The following CDH9 variants were observed in gnomAD, a reference collection of about 807,000 sequenced individuals.
CDH9 encodes the protein cadherin 9, also known as cadherin-9.
A neutral mutation model predicts 70.9 loss-of-function variants in CDH9; 28 were observed. That is an observed-to-expected ratio of 0.40 (90% CI 0.29 to 0.54). CDH9 has a LOEUF of 0.54. Ranked by LOEUF, CDH9 falls within the 20% of genes least tolerant of loss-of-function variation. The pLI, the probability that CDH9 is intolerant of heterozygous loss-of-function variation, is 0.59. For missense variants in CDH9, 874 were observed against 984.4 expected (o/e 0.89, Z 1.50); for synonymous variants, 409 against 343.1 (o/e 1.19, Z -2.12).
intron 1 of CDH9, among the ~76,000 whole-genome samples, chr5:26,993,010 C>T (rs935940059): frequency 2.0e-5 from 3 of 150,492 alleles, no homozygotes; most frequent in African/African-American, 7.3e-5. Flanking sequence ...GCAGGCGAAT[C>T]ACTTGAACCC....
intron 7 of CDH9, among the ~76,000 whole-genome samples, chr5:26,894,483 C>A (rs1740712963): frequency 6.6e-6 from 1 of 152,048 alleles, no homozygotes; most frequent in Admixed American, 6.6e-5. Context: ...TGAAGGCACT[C>A]ACAGACGATA....
At position 26,885,824 on chromosome 5, in the gene CDH9, G is replaced by A. The variant is rs1255912071; in HGVS notation, c.1672C>T (p.Arg558Cys). 1 of 1,613,570 alleles carries A rather than the reference G, an allele frequency of 6.2e-7. No individual in the cohort carries two copies. Among genetic ancestry groups the A allele is most frequent in the Non-Finnish European group, 8.5e-7 (1 of 1,179,756 alleles). ...GIMTRKDGYS[R>C]NKMSTYLLPI... ...AATAAGTAGGTGCTCATTTTGTTGC[G>A]ACTGTAGCCATCTTTCCGAGTCATG... is the stretch of plus-strand genomic sequence containing the variant. Residue 558 changes from arginine to cysteine, a missense_variant, in exon 11 of 12, where the codon CGC becomes TGC. Coordinates refer to ENST00000231021, the MANE Select transcript of CDH9 (RefSeq NM_016279.4).
intron 5 of CDH9, among the ~76,000 whole-genome samples, chr5:26,905,647 C>T (rs1287874519): frequency 6.6e-6 from 1 of 152,050 alleles, no homozygotes; most frequent in Non-Finnish European, 1.5e-5. Context: ...GAGACAATCT[C>T]AGTGAATGAT....
chr5:26,942,271 C>T (rs1304255872), intron 2 of CDH9, among the ~76,000 whole-genome samples: 1 of 152,144 alleles, frequency 6.6e-6, no homozygotes, highest in Non-Finnish European at 1.5e-5. Context: ...ATGGCAGTAA[C>T]CACCCCCACA....
At chr5:26,952,190 C>G (rs1169479802) in intron 2 of CDH9, among the ~76,000 whole-genome samples, 1 of 149,564 alleles carries the variant, frequency 6.7e-6, no homozygotes, top group Non-Finnish European at 1.5e-5. Context: ...TTTCGAATTA[C>G]TAACCTCAAG....
chr5:26,989,186 T>G (rs1025245592), intron 1 of CDH9, among the ~76,000 whole-genome samples: 5 of 152,036 alleles, frequency 3.3e-5, no homozygotes, highest in African/African-American at 1.2e-4. Context: ...TTTGAAACAA[T>G]GTCTCCCTGT....
intron 2 of CDH9, among the ~76,000 whole-genome samples, chr5:26,934,601 G>A (rs1455347203): frequency 6.6e-6 from 1 of 152,210 alleles, no homozygotes; most frequent in East Asian, 1.9e-4. Flanking sequence ...TTCAACATGA[G>A]ACTTGGTGTA....
chr5:26,955,199 C>G (rs1000136289), intron 2 of CDH9, among the ~76,000 whole-genome samples: 1 of 152,084 alleles, frequency 6.6e-6, no homozygotes, highest in African/African-American at 2.4e-5. Context: ...AATGTTTTAT[C>G]TCCTCTTCTT....
At chr5:26,978,761 A>G (rs987749106) in intron 2 of CDH9, among the ~76,000 whole-genome samples, 14 of 151,846 alleles carry the variant, frequency 9.2e-5, no homozygotes, top group Admixed American at 9.2e-4. Flanking sequence ...AAACAAACAT[A>G]TTACATATAG....
At chr5:27,008,276 G>A (rs1382651558) in intron 1 of CDH9, among the ~76,000 whole-genome samples, 1 of 152,030 alleles carries the variant, frequency 6.6e-6, no homozygotes, top group African/African-American at 2.4e-5. Context: ...GATCACTTGA[G>A]GCCTGAAGTT....
intron 2 of CDH9, among the ~76,000 whole-genome samples, chr5:26,979,987 C>G (rs556027955): frequency 6.6e-6 from 1 of 151,686 alleles, no homozygotes; most frequent in Non-Finnish European, 1.5e-5. Flanking sequence ...ATATGGAATG[C>G]TAGAGAATTG....
At chr5:26,997,910 G>A (rs375765231) in intron 1 of CDH9, among the ~76,000 whole-genome samples, 113 of 152,168 alleles carry the variant, frequency 7.4e-4, no homozygotes, top group Admixed American at 2.2e-3. Context: ...ATGTTAGCCC[G>A]GATGGTCTCG....
chr5:26,881,905 T>C (rs754336063), intron 11 of CDH9, among the ~76,000 whole-genome samples: 11 of 152,074 alleles, frequency 7.2e-5, no homozygotes, highest in Non-Finnish European at 1.3e-4. Context: ...CCAACTGCAA[T>C]TGCCTGACAC....
intron 2 of CDH9, among the ~76,000 whole-genome samples, chr5:26,968,163 T>C (rs1742159244): frequency 6.6e-6 from 1 of 152,044 alleles, no homozygotes; most frequent in African/African-American, 2.4e-5. Context: ...ATGTTAAACA[T>C]CCAAACAAAA....
At chr5:26,890,381 A>G (rs1409393807) in intron 8 of CDH9, 47 bp downstream of exon 8, 6 of 1,551,202 alleles carry the variant, frequency 3.9e-6, no homozygotes, top group South Asian at 1.1e-5. Context: ...TTATTTTACC[A>G]CTTTGATGAA....
At chr5:26,884,962 A>T (rs1740536390) in intron 11 of CDH9, among the ~76,000 whole-genome samples, 1 of 152,158 alleles carries the variant, frequency 6.6e-6, no homozygotes, top group Non-Finnish European at 1.5e-5. Flanking sequence ...ACATAGTGAT[A>T]TTTTTTAAAA....
chr5:27,018,961 C>T (rs980981843), intron 1 of CDH9, among the ~76,000 whole-genome samples: 5 of 151,808 alleles, frequency 3.3e-5, no homozygotes, highest in African/African-American at 9.7e-5. Flanking sequence ...ATTCCTTTGT[C>T]CCAAAGTAAA....
intron 2 of CDH9, among the ~76,000 whole-genome samples, chr5:26,945,897 G>T (rs1741744641): frequency 6.6e-6 from 1 of 152,106 alleles, no homozygotes; most frequent in Non-Finnish European, 1.5e-5. Flanking sequence ...GGGGGAACAG[G>T]CTTTAGGAAG....
In CDH9 at chr5:26,915,694, A is replaced by G; in HGVS notation, c.459T>C (p.Asn153=). 1 of 1,611,172 alleles carries G rather than the reference A, an allele frequency of 6.2e-7. No individual in the cohort carries two copies. Among genetic ancestry groups the G allele is most frequent in the Non-Finnish European group, 8.5e-7 (1 of 1,177,384 alleles). The stretch of plus-strand genomic sequence containing the variant: ...CTTTTGTAAATTTTGGCTCATTGTC[A>G]TTGATATCATGTATTTTAATGATAA... ...SEFIIKIHDI[N]DNEPKFTKDL... The change falls in exon 3 of 12, where the codon AAT becomes AAC. Residue 153 remains asparagine, a synonymous_variant. Coordinates refer to ENST00000231021, the MANE Select transcript of CDH9 (RefSeq NM_016279.4).
Sources: allele counts gnomAD v4.1 joint callset (sites outside exome capture counted in the v4.1 genomes callset), GRCh38; gene constraint gnomAD v4.1.1; transcripts MANE v1.5; gene names NCBI Gene and HGNC (gene_info 2026-07-23, HGNC 2026-07-21).